BANF2: variants seen among roughly 807,000 people sequenced by gnomAD.
The protein encoded by BANF2 is barrier-to-autointegration factor-like protein.
A neutral mutation model predicts 8.0 loss-of-function variants in BANF2; 4 were observed. The observed-to-expected ratio is 0.50, with a 90% CI of 0.25 to 1.14. The LOEUF is 1.14. Among genes scored for constraint, BANF2 ranks in the 50% most tolerant of loss-of-function variants. BANF2 has a pLI of 0.16. For missense variants in BANF2, 96 were observed against 107.5 expected (o/e 0.89, Z 0.47); for synonymous variants, 50 against 40.6 (o/e 1.23, Z -0.88).
intron 1 of BANF2, among the ~76,000 whole-genome samples, chr20:17,714,879 G>A (rs140160389): frequency 1.9e-3 from 282 of 152,170 alleles, no homozygotes; most frequent in African/African-American, 6.3e-3. Context: ...AAGTCTCCCC[G>A]CCCTGTGCCC....
At chr20:17,716,992 C>T (rs532743432) in intron 1 of BANF2, among the ~76,000 whole-genome samples, 1 of 152,134 alleles carries the variant, frequency 6.6e-6, no homozygotes, top group African/African-American at 2.4e-5. Context: ...GTTGGGATTA[C>T]AGGAGTGAGT....
chr20:17,695,754 C>G (rs935908101), upstream of BANF2, among the ~76,000 whole-genome samples: 1 of 152,110 alleles, frequency 6.6e-6, no homozygotes, highest in Non-Finnish European at 1.5e-5. Flanking sequence ...AATGTATACA[C>G]CCGAGTAATC....
At chr20:17,702,865 C>T (rs1396138639) in intron 1 of BANF2, among the ~76,000 whole-genome samples, 1 of 152,224 alleles carries the variant, frequency 6.6e-6, no homozygotes, top group Non-Finnish European at 1.5e-5. Flanking sequence ...CACACAGGGC[C>T]ACTGGGCACT....
rs2037533890 is a variant in BANF2, at chr20:17,709,352, G to C, written c.-167+9297G>C. Among the ~76,000 whole-genome samples, 3 of 152,212 alleles carry C rather than the reference G, an allele frequency of 2.0e-5. No individual in the cohort carries two copies. The South Asian group carries it at 6.2e-4, about 32-fold the overall frequency. ...TCCAGAACCACCGCACTGAGGCCTAGCAGGCAAGGGCAGGACACACAAAAT... is the reference window on the plus strand; with the variant it reads ...TCCAGAACCACCGCACTGAGGCCTACCAGGCAAGGGCAGGACACACAAAAT... On this transcript the variant is annotated intron_variant, in intron 1 of 3. Coordinates refer to ENST00000246090, the MANE Select transcript of BANF2 (RefSeq NM_178477.5).
At chr20:17,732,050 AG>A (rs1267363934) in intron 3 of BANF2, among the ~76,000 whole-genome samples, 2 of 151,008 alleles carry the variant, frequency 1.3e-5, no homozygotes, top group Non-Finnish European at 2.9e-5. Context: ...TGGGCAACAG[AG>A]GGAGACGTCG....
chr20:17,727,927 GAC>G (rs1209897899), intron 3 of BANF2, among the ~76,000 whole-genome samples: 1 of 152,028 alleles, frequency 6.6e-6, no homozygotes, highest in African/African-American at 2.4e-5. Flanking sequence ...TTTTTGTAGA[GAC>G]ACAGTTTTGC....
intron 1 of BANF2, among the ~76,000 whole-genome samples, chr20:17,715,273 T>C (rs2037634672): frequency 6.6e-6 from 1 of 152,124 alleles, no homozygotes; most frequent in Non-Finnish European, 1.5e-5. Context: ...TAGTACACCG[T>C]GTGTGGTGTG....
chr20:17,732,664 C>G (rs946505782), intron 3 of BANF2, among the ~76,000 whole-genome samples: 2 of 152,164 alleles, frequency 1.3e-5, no homozygotes, highest in Admixed American at 6.5e-5. Context: ...CCGAGCCCCC[C>G]CTCTTACAGC....
rs183781213 is a variant in BANF2 at position 17,717,004 on chromosome 20, A to T, written c.-166-5712A>T. ...ATTGTTGGGATTACAGGAGTGAGTG[A>T]TGGCACCAGGCCAGCCACCCTCATT... On this transcript the variant is annotated intron_variant, in intron 1 of 3. Transcript: ENST00000246090. Among the ~76,000 whole-genome samples the T allele has an allele frequency of 3.0e-4, 46 of 152,206 alleles. No individual in the cohort carries two copies. In the East Asian group the frequency reaches 8.5e-3, roughly 28 times the overall value.
intron 1 of BANF2, among the ~76,000 whole-genome samples, chr20:17,713,992 G>A (rs141668019): frequency 0.012 from 1,855 of 151,928 alleles, 44 homozygotes; most frequent in African/African-American, 0.042. Flanking sequence ...GATCACCTGC[G>A]GTCAGGAGTT....
rs542439011 is a variant in BANF2 at position 17,701,583 on chromosome 20, G to A, written c.-167+1528G>A. 5.3e-5 allele frequency among the ~76,000 whole-genome samples: 8 copies of A among 152,298 alleles called. No individual in the cohort carries two copies. In the East Asian group the frequency reaches 1.5e-3, roughly 29 times the overall value. ...GAACGGGATTCTTGTGATCAGCTGG[G>A]AGCTGGACCAAAAGACCTTTAAAGG... On this transcript the variant is annotated intron_variant, in intron 1 of 3. Coordinates refer to ENST00000246090, the MANE Select transcript of BANF2 (RefSeq NM_178477.5).
chr20:17,711,449 T>C (rs956773846), intron 1 of BANF2, among the ~76,000 whole-genome samples: 1 of 152,212 alleles, frequency 6.6e-6, no homozygotes, highest in Non-Finnish European at 1.5e-5. Flanking sequence ...AAATTATGTA[T>C]GTGTTGGGTG....
At chr20:17,708,063 A>C (rs1458606697) in intron 1 of BANF2, among the ~76,000 whole-genome samples, 7 of 151,496 alleles carry the variant, frequency 4.6e-5, no homozygotes, top group South Asian at 2.1e-4. Context: ...AAAAAAAAAA[A>C]AAAACCAAAA....
chr20:17,724,749 T>A (rs149983145), intron 2 of BANF2, among the ~76,000 whole-genome samples: 374 of 152,340 alleles, frequency 2.5e-3, no homozygotes, highest in Admixed American at 3.7e-3. Flanking sequence ...GTTCTTAATA[T>A]TAAGCACACT....
upstream of BANF2, among the ~76,000 whole-genome samples, chr20:17,695,506 A>G (rs2037339798): frequency 6.6e-6 from 1 of 151,572 alleles, no homozygotes; most frequent in Non-Finnish European, 1.5e-5. Context: ...TAAATTTAAG[A>G]AGATACAAAA....
Position 17,735,734 on chromosome 20 carries a change from T to G in BANF2, c.196T>G (p.Cys66Gly). 1 of 1,613,914 alleles carries G rather than the reference T, an allele frequency of 6.2e-7. No individual in the cohort carries two copies. Among genetic ancestry groups the G allele is most frequent in the East Asian group, 2.2e-5 (1 of 44,878 alleles). The change falls in exon 4 of 4, where the codon TGC (cysteine) becomes GGC (glycine). Residue 66 changes from cysteine (C) to glycine (G), a missense_variant. By Grantham distance (159) the Cys-to-Gly change is radical. Coordinates refer to ENST00000246090, the MANE Select transcript of BANF2 (RefSeq NM_178477.5). The part of the protein sequence containing the change: ...NEAEFQRWLI[C>G]CFGATECEAQ... ...AGCCGAGTTTCAGAGGTGGCTCATT[T>G]GCTGTTTTGGTGCCACTGAGTGTGA... is the stretch of plus-strand genomic sequence containing the variant.
chr20:17,710,565 A>T (rs780222887), intron 1 of BANF2, among the ~76,000 whole-genome samples: 6 of 152,078 alleles, frequency 3.9e-5, no homozygotes, highest in Non-Finnish European at 4.4e-5. Flanking sequence ...CTTGCCTGTG[A>T]TCCTTATTCT....
chr20:17,722,910 T>C (rs2037753169), intron 2 of BANF2, 32 bp downstream of exon 2: 3 of 975,436 alleles, frequency 3.1e-6, no homozygotes, highest in Non-Finnish European at 3.7e-6. Flanking sequence ...GGAGAGGGGA[T>C]GGGGCTGTGA....
chr20:17,721,644 G>C (rs1056268304), intron 1 of BANF2, among the ~76,000 whole-genome samples: 1 of 151,946 alleles, frequency 6.6e-6, no homozygotes, highest in Non-Finnish European at 1.5e-5. Flanking sequence ...TGCCTGCCTC[G>C]GCCTCCCAAA....
Sources: gnomAD v4.1 joint callset for allele counts (sites outside exome capture counted in the v4.1 genomes callset) on GRCh38, gnomAD v4.1.1 for gene constraint, MANE v1.5 for transcripts, NCBI Gene and HGNC (gene_info 2026-07-23, HGNC 2026-07-21) for gene names.